The following RGS6 variants were observed in gnomAD, a reference collection of about 807,000 sequenced individuals.
The protein encoded by RGS6 is regulator of G protein signaling 6.
A neutral mutation model predicts 78.5 loss-of-function variants in RGS6; 30 were observed. The observed-to-expected ratio is 0.38, with a 90% CI of 0.29 to 0.52. RGS6 has a LOEUF of 0.52. Among genes scored for constraint, RGS6 ranks in the 20% least tolerant of loss-of-function variants. RGS6 has a pLI of 0.85. For synonymous variants in RGS6, 206 were observed against 206.0 expected (o/e 1.00, Z 0.00); for missense variants, 495 against 609.7 (o/e 0.81, Z 1.98).
At chr14:71,920,923 A>G in the RGS6 span, among the ~76,000 whole-genome samples, 2 of 151,952 alleles carry the variant, frequency 1.3e-5, no homozygotes, top group Non-Finnish European at 2.9e-5. Flanking sequence ...AAGAGGCAAC[A>G]TATGGAATGG....
intron 2 of RGS6, among the ~76,000 whole-genome samples, chr14:72,213,646 C>G (rs564773423): frequency 6.6e-6 from 1 of 152,286 alleles, no homozygotes; most frequent in East Asian, 1.9e-4. Flanking sequence ...GCAAACAAAT[C>G]TTTCTTGTTC....
intron 2 of RGS6, among the ~76,000 whole-genome samples, chr14:72,276,612 GT>G (rs1386790484): frequency 6.6e-6 from 1 of 152,066 alleles, no homozygotes; most frequent in Non-Finnish European, 1.5e-5. Context: ...CATGGGGGTG[GT>G]TTCCCCCATA....
At chr14:72,211,295 T>G (rs2044088507) in intron 2 of RGS6, among the ~76,000 whole-genome samples, 1 of 152,158 alleles carries the variant, frequency 6.6e-6, no homozygotes, top group African/African-American at 2.4e-5. Flanking sequence ...AGCTAAAATA[T>G]TAAGTATAAA....
At chr14:72,606,386 C>G in the RGS6 span, among the ~76,000 whole-genome samples, 1 of 152,210 alleles carries the variant, frequency 6.6e-6, no homozygotes, top group Non-Finnish European at 1.5e-5. Context: ...AGATCTAGAA[C>G]TTCTGATTCC....
the RGS6 span, among the ~76,000 whole-genome samples, chr14:72,628,214 T>C: frequency 6.6e-6 from 1 of 152,148 alleles, no homozygotes; most frequent in Non-Finnish European, 1.5e-5. Flanking sequence ...TTGTGCCTAG[T>C]GTTTTCCTCA....
At chr14:72,100,110 G>C (rs1455953954) in intron 2 of RGS6, among the ~76,000 whole-genome samples, 1 of 152,172 alleles carries the variant, frequency 6.6e-6, no homozygotes, top group Admixed American at 6.5e-5. Flanking sequence ...GGTGAAGAGA[G>C]GGGTAGGTTT....
At chr14:72,155,457 C>T (rs141682498) in intron 2 of RGS6, among the ~76,000 whole-genome samples, 1 of 152,170 alleles carries the variant, frequency 6.6e-6, no homozygotes, top group East Asian at 1.9e-4. Context: ...CCAGAACTAA[C>T]CACCCACAAT....
At chr14:72,055,786 C>T (rs935472923) in intron 2 of RGS6, among the ~76,000 whole-genome samples, 12 of 152,138 alleles carry the variant, frequency 7.9e-5, no homozygotes, top group African/African-American at 2.9e-4. Context: ...TTCTTTTTCT[C>T]ATTTCTAAAG....
chr14:72,167,853 G>C (rs367829038), intron 2 of RGS6, among the ~76,000 whole-genome samples: 35 of 152,134 alleles, frequency 2.3e-4, no homozygotes, highest in African/African-American at 8.4e-4. Flanking sequence ...TTGGAATAAT[G>C]AGCAGCCTCT....
chr14:72,375,299 G>C (rs1346970395), intron 3 of RGS6, among the ~76,000 whole-genome samples: 1 of 152,126 alleles, frequency 6.6e-6, no homozygotes, highest in Non-Finnish European at 1.5e-5. Context: ...TTCCAAGCAG[G>C]ATAAAATGAA....
chr14:72,182,852 T>C (rs2097192083), intron 2 of RGS6, among the ~76,000 whole-genome samples: 1 of 152,236 alleles, frequency 6.6e-6, no homozygotes, highest in Non-Finnish European at 1.5e-5. Flanking sequence ...AGCTGTGTCT[T>C]GAAGAGCTTT....
Position 72,088,425 on chromosome 14 carries a change from A to G in RGS6, c.84+123550A>G, listed in dbSNP as rs76845154. Among the ~76,000 whole-genome samples the G allele has an allele frequency of 8.9e-3, 1,360 of 152,174 alleles. 18 individuals carry two copies. Among genetic ancestry groups the G allele is most frequent in the African/African-American group, 0.032 (1,309 of 41,538 alleles). Reference sequence around the variant, plus strand: ...AGCTCAGCGTTCACCACGTATCACTATATTTCTATTAATACTTCTGCTCTT... The same window carrying G: ...AGCTCAGCGTTCACCACGTATCACTGTATTTCTATTAATACTTCTGCTCTT... On this transcript the variant is annotated intron_variant, in intron 2 of 17. Coordinates refer to ENST00000553525, the MANE Select transcript of RGS6 (RefSeq NM_001204424.2).
rs2093407581 is a variant in RGS6, at chr14:72,053,066, TCCC to T, written c.84+88192_84+88194del. ...CTCCCTCCCTCCCTCCCTCCCTCCC[TCCC>T]TCCCTCCCTCCCTTCCTTCCTTCCT... On this transcript the variant is annotated intron_variant, in intron 2 of 17. Coordinates refer to ENST00000553525, the MANE Select transcript of RGS6 (RefSeq NM_001204424.2). Among the ~76,000 whole-genome samples the T allele has an allele frequency of 4.1e-3, 76 of 18,526 alleles. 11 individuals are homozygous for T. Among genetic ancestry groups the T allele is most frequent in the African/African-American group, 0.015 (63 of 4,278 alleles). 12.2% of individuals were successfully genotyped at this position (18,526 alleles called of 152,430 possible). A position where few individuals can be genotyped will look rare whatever the true frequency, so the allele number is the denominator to read the frequency against.
intron 14 of RGS6, among the ~76,000 whole-genome samples, chr14:72,514,318 A>G (rs1281230294): frequency 6.6e-6 from 1 of 152,226 alleles, no homozygotes; most frequent in African/African-American, 2.4e-5. Flanking sequence ...TTTCTAACCC[A>G]TGAAAATTCT....
intron 2 of RGS6, among the ~76,000 whole-genome samples, chr14:72,274,101 G>A (rs2060324701): frequency 6.6e-6 from 1 of 152,146 alleles, no homozygotes; most frequent in Non-Finnish European, 1.5e-5. Flanking sequence ...TCTGAGGAAG[G>A]GAGTCATTTC....
intron 2 of RGS6, among the ~76,000 whole-genome samples, chr14:72,343,210 T>C (rs1221083321): frequency 1.3e-5 from 2 of 152,208 alleles, no homozygotes; most frequent in Non-Finnish European, 2.9e-5. Context: ...TGGGCTAAAA[T>C]CAAGTTGCTA....
chr14:72,301,055 A>G (rs561400607), intron 2 of RGS6, among the ~76,000 whole-genome samples: 2 of 152,356 alleles, frequency 1.3e-5, no homozygotes, highest in South Asian at 4.1e-4. Flanking sequence ...CTGGTGGAAC[A>G]TAGCATTATA....
chr14:72,171,037 T>A (rs973259998), intron 2 of RGS6, among the ~76,000 whole-genome samples: 1 of 152,216 alleles, frequency 6.6e-6, no homozygotes, highest in Admixed American at 6.5e-5. Flanking sequence ...TAATTTTTGC[T>A]TATCGGTTTA....
intron 2 of RGS6, among the ~76,000 whole-genome samples, chr14:72,214,600 G>C (rs1196791943): frequency 3.9e-5 from 6 of 152,196 alleles, no homozygotes; most frequent in Non-Finnish European, 7.3e-5. Flanking sequence ...GCAATTGATA[G>C]TAAAATTGCT....
Sources: gnomAD v4.1 joint callset for allele counts (sites outside exome capture counted in the v4.1 genomes callset) on GRCh38, gnomAD v4.1.1 for gene constraint, MANE v1.5 for transcripts, NCBI Gene and HGNC (gene_info 2026-07-23, HGNC 2026-07-21) for gene names.